TRPC5: variants seen among roughly 807,000 people sequenced by gnomAD.
TRPC5 encodes the protein short transient receptor potential channel 5.
TRPC5 carries 9 observed loss-of-function variants against 56.5 expected under a neutral mutation model. That is an observed-to-expected ratio of 0.16 (90% CI 0.10 to 0.28). The LOEUF (loss-of-function observed/expected upper bound fraction) is 0.28, where lower values mean the gene tolerates loss of function less well. TRPC5 is among the 10% of genes least tolerant of loss of function. The pLI is 1.00. For synonymous variants in TRPC5, 282 were observed against 278.5 expected, an observed-to-expected ratio of 1.01 and a Z score of -0.13; for missense variants, 469 against 748.9, an observed-to-expected ratio of 0.63 and a Z score of 4.36.
At chrX:111,880,913 C>G (rs937353829) in intron 3 of TRPC5, among the ~76,000 whole-genome samples, 1 of 111,762 alleles carries the variant, frequency 8.9e-6, no homozygotes, top group Admixed American at 9.5e-5. Flanking sequence ...AGACTGGCTA[C>G]TTCCTCACAA....
intron 3 of TRPC5, among the ~76,000 whole-genome samples, chrX:111,907,600 G>A (rs761252159): frequency 9.1e-6 from 1 of 109,505 alleles, no homozygotes; most frequent in East Asian, 2.8e-4. Context: ...ATTCCAGCCT[G>A]GGTGACATAG....
intron 3 of TRPC5, among the ~76,000 whole-genome samples, chrX:111,858,604 T>G (rs1484235444): frequency 9.0e-6 from 1 of 110,865 alleles, no homozygotes; most frequent in East Asian, 2.8e-4. Flanking sequence ...GAGGGAGAGT[T>G]GTGTGTCTGT....
chrX:111,915,903 C>G (rs1925961070), intron 2 of TRPC5, among the ~76,000 whole-genome samples: 1 of 111,429 alleles, frequency 9.0e-6, no homozygotes, highest in African/African-American at 3.3e-5. Flanking sequence ...CCCAGGAGTT[C>G]AAGACCAGCC....
At chrX:111,815,747 A>G (rs1921842660) in intron 7 of TRPC5, among the ~76,000 whole-genome samples, 1 of 110,238 alleles carries the variant, frequency 9.1e-6, no homozygotes, top group Non-Finnish European at 1.9e-5. Context: ...ATATATATAT[A>G]TATTCAGCAG....
intron 1 of TRPC5, among the ~76,000 whole-genome samples, chrX:111,970,871 A>G (rs764374458): frequency 8.0e-4 from 84 of 105,399 alleles, no homozygotes; most frequent in Admixed American, 7.7e-3. Flanking sequence ...CTGGGTTCAC[A>G]CCATTCTCCT....
intron 7 of TRPC5, 37 bp downstream of exon 7, chrX:111,834,884 A>G: frequency 8.9e-7 from 1 of 1,129,156 alleles, no homozygotes. Flanking sequence ...CCAACCTGAA[A>G]CCAAAGTAAG....
intron 2 of TRPC5, among the ~76,000 whole-genome samples, chrX:111,922,817 A>G (rs1305068604): frequency 8.9e-6 from 1 of 111,812 alleles, no homozygotes; most frequent in Non-Finnish European, 1.9e-5. Context: ...AAATGTCAAT[A>G]TTGATACATA....
chrX:112,050,628 CAA>C (rs1480325180), intron 1 of TRPC5, among the ~76,000 whole-genome samples: 1 of 112,176 alleles, frequency 8.9e-6, no homozygotes, highest in Non-Finnish European at 1.9e-5. Context: ...GCTCAGAGTG[CAA>C]AAGTCACTTA....
At chrX:112,041,785 C>A in intron 1 of TRPC5, among the ~76,000 whole-genome samples, 1 of 111,878 alleles carries the variant, frequency 8.9e-6, no homozygotes. Context: ...CGGACCAGTG[C>A]CTTGAAAATG....
At chrX:112,034,183 G>GAT (rs1260013244) in intron 1 of TRPC5, among the ~76,000 whole-genome samples, 1 of 111,469 alleles carries the variant, frequency 9.0e-6, no homozygotes, top group Non-Finnish European at 1.9e-5. Context: ...CATTGATTTT[G>GAT]ATATAAATTG....
chrX:111,793,286 G>A (rs1267476907), intron 7 of TRPC5, among the ~76,000 whole-genome samples: 2 of 111,548 alleles, frequency 1.8e-5, no homozygotes, highest in Non-Finnish European at 1.9e-5. Context: ...GTATTAGGCT[G>A]TTCTCGCATT....
At chrX:111,797,618 T>A (rs1227872811) in intron 7 of TRPC5, among the ~76,000 whole-genome samples, 2 of 112,164 alleles carry the variant, frequency 1.8e-5, no homozygotes, top group Non-Finnish European at 3.8e-5. Flanking sequence ...TATCACAAAT[T>A]TGTGTTTAAA....
intron 4 of TRPC5, among the ~76,000 whole-genome samples, chrX:111,853,428 C>T (rs1453489737): frequency 8.9e-6 from 1 of 111,847 alleles, no homozygotes; most frequent in Non-Finnish European, 1.9e-5. Flanking sequence ...GGAAAAGGTG[C>T]TTTGAATAGA....
intron 1 of TRPC5, among the ~76,000 whole-genome samples, chrX:112,067,800 G>A (rs911999998): frequency 1.8e-5 from 2 of 112,251 alleles, no homozygotes; most frequent in Admixed American, 9.4e-5. Context: ...TAACAGTGAA[G>A]GGGATGGGAG....
intron 2 of TRPC5, among the ~76,000 whole-genome samples, chrX:111,948,712 A>T (rs1926993945): frequency 9.4e-6 from 1 of 106,529 alleles, no homozygotes; most frequent in Non-Finnish European, 1.9e-5. Flanking sequence ...AGCCTGGGTG[A>T]CAGAGTGAGA....
intron 3 of TRPC5, among the ~76,000 whole-genome samples, chrX:111,880,820 C>A (rs1924176699): frequency 8.9e-6 from 1 of 112,428 alleles, no homozygotes; most frequent in South Asian, 3.7e-4. Flanking sequence ...ACTACCTATG[C>A]TCTGGTCTGG....
intron 3 of TRPC5, among the ~76,000 whole-genome samples, chrX:111,873,760 G>A (rs1251755423): frequency 2.7e-5 from 3 of 110,027 alleles, no homozygotes; most frequent in African/African-American, 1.0e-4. Context: ...CTGCAGCCTG[G>A]GCAACAAGAG....
chrX:111,966,447 G>A (rs866679525), intron 1 of TRPC5, among the ~76,000 whole-genome samples: 1 of 111,753 alleles, frequency 8.9e-6, no homozygotes. Context: ...CCAATCAATC[G>A]AAAAAGAGGG....
At chrX:112,011,238 G>T (rs1206166473) in intron 1 of TRPC5, among the ~76,000 whole-genome samples, 3 of 111,442 alleles carry the variant, frequency 2.7e-5, no homozygotes, top group African/African-American at 9.8e-5. Flanking sequence ...TCTTTGCCTG[G>T]TTTTGTTGCT....
Sources: allele counts gnomAD v4.1 joint callset (sites outside exome capture counted in the v4.1 genomes callset), GRCh38; gene constraint gnomAD v4.1.1; transcripts MANE v1.5; gene names NCBI Gene and HGNC (gene_info 2026-07-23, HGNC 2026-07-21).